Variants in ICA1 observed in about 807,000 individuals in gnomAD.
ICA1 encodes islet cell autoantigen 1, also known as 69 kDa islet cell autoantigen.
A neutral mutation model predicts 71.0 loss-of-function variants in ICA1; 40 were observed. That is an observed-to-expected ratio of 0.56 (90% CI 0.44 to 0.73). The LOEUF (loss-of-function observed/expected upper bound fraction) is 0.73. ICA1 is among the 30% of genes least tolerant of loss of function. The probability of loss-of-function intolerance (pLI) is 0.00; values close to 1 mark genes in which losing one functional copy is unlikely to be tolerated. For synonymous variants in ICA1, 207 were observed against 209.5 expected (o/e 0.99, Z 0.10); for missense variants, 578 against 576.5 (o/e 1.00, Z -0.03).
At chr7:8,246,103 A>G (rs1805900622) in intron 1 of ICA1, among the ~76,000 whole-genome samples, 1 of 152,224 alleles carries the variant, frequency 6.6e-6, no homozygotes, top group Admixed American at 6.5e-5. Context: ...CCAGCTTTTT[A>G]ATGACACAGA....
At position 8,113,984 on chromosome 7, in the gene ICA1, G is replaced by C. The variant is rs1783948450; in HGVS notation, c.1391C>G (p.Pro464Arg). The C allele has an allele frequency of 4.3e-6, 7 of 1,613,996 alleles. No homozygotes were observed. The highest frequency in any genetic ancestry group is 5.9e-6 in the Non-Finnish European group (7 of 1,179,972). The change falls in exon 14 of 14, where the codon CCA becomes CGA. Residue 464 changes from proline (P) to arginine (R), a missense_variant. Transcript: ENST00000402384. The surrounding 1 kb of genome is among the most constrained non-coding windows in gnomAD (Gnocchi z 4.2). The part of the protein sequence containing the change: ...AWFSLFADLD[P>R]LSNPDAVGKT... ...CCCAACAGCATCAGGATTTGAGAGTGGGTCGAGGTCAGCGAAGAGGCTGAA... is the reference window on the plus strand; with the variant it reads ...CCCAACAGCATCAGGATTTGAGAGTCGGTCGAGGTCAGCGAAGAGGCTGAA...
intron 10 of ICA1, among the ~76,000 whole-genome samples, chr7:8,140,368 C>G (rs544607440): frequency 7.2e-5 from 11 of 152,190 alleles, no homozygotes; most frequent in African/African-American, 2.7e-4. Flanking sequence ...TCCAGGTCCT[C>G]CTGTGCCCAT....
intron 6 of ICA1, among the ~76,000 whole-genome samples, chr7:8,202,315 G>C (rs1488005189): frequency 1.3e-5 from 2 of 152,188 alleles, no homozygotes; most frequent in African/African-American, 4.8e-5. Context: ...CATTGAGACA[G>C]TTATGTAACC....
Position 8,152,899 on chromosome 7 carries a change from T to TCACC in ICA1, c.804+4216_804+4217insGGTG, listed in dbSNP as rs1562706015. ...ATCACCTCCACCACCACTACCACCA[T>TCACC]TATCTCCTTCATCACCACTACCCCC... On this transcript the variant is annotated intron_variant, in intron 8 of 13. Coordinates refer to ENST00000402384, the MANE Select transcript of ICA1 (RefSeq NM_001136020.3). Among the ~76,000 whole-genome samples the TCACC allele has an allele frequency of 4.9e-4, 9 of 18,202 alleles. No individual in the cohort carries two copies. In the East Asian group the frequency reaches 0.01, roughly 21 times the overall value. The allele number at this position is 18,202 out of a possible 152,430, so 11.9% of individuals were successfully genotyped here.
At chr7:8,148,526 G>T (rs1017045135) in intron 8 of ICA1, among the ~76,000 whole-genome samples, 1 of 151,930 alleles carries the variant, frequency 6.6e-6, no homozygotes, top group African/African-American at 2.4e-5. Flanking sequence ...TTGTTACATC[G>T]TAAGAACTTA....
chr7:8,175,190 G>A (rs574856867), intron 6 of ICA1, among the ~76,000 whole-genome samples: 3 of 152,280 alleles, frequency 2.0e-5, no homozygotes, highest in African/African-American at 7.2e-5. Context: ...CTTGCTCAAG[G>A]AGGGAGCAGG....
At position 8,127,869 on chromosome 7, in the gene ICA1, C is replaced by T; in HGVS notation, c.1330+4G>A. ...AACCCCATTTCAATCCCCACCTTAC[C>T]TACCTTGTAGCGAGGCCTGTAAGTC... is the stretch of plus-strand genomic sequence containing the variant. On this transcript the variant is annotated splice_donor_region_variant and intron_variant, in intron 13 of 13. Transcript: ENST00000402384. 6.2e-7 allele frequency: 1 copy of T among 1,601,222 alleles called. No individual in the cohort carries two copies.
chr7:8,195,518 G>A (rs1217524943), intron 6 of ICA1, among the ~76,000 whole-genome samples: 2 of 151,532 alleles, frequency 1.3e-5, no homozygotes, highest in African/African-American at 2.4e-5. Flanking sequence ...TTCCAGTCTG[G>A]GCAACAAGAG....
chr7:8,162,338 A>G (rs552903506), intron 6 of ICA1, among the ~76,000 whole-genome samples: 1 of 152,366 alleles, frequency 6.6e-6, no homozygotes, highest in South Asian at 2.1e-4. Context: ...GATTATTAAA[A>G]TACTTAATGC....
chr7:8,154,825 C>T (rs1800926805), intron 8 of ICA1, among the ~76,000 whole-genome samples: 1 of 152,162 alleles, frequency 6.6e-6, no homozygotes, highest in South Asian at 2.1e-4. Flanking sequence ...ATGGCTTTCA[C>T]CATCATGTTT....
chr7:8,114,149 A>G lies in ICA1; in HGVS notation c.1331-105T>C, dbSNP rs527469853. The G allele has an allele frequency of 1.4e-4, 172 of 1,232,506 alleles. No homozygotes were observed. In the African/African-American group the frequency reaches 2.1e-3, roughly 15 times the overall value. The allele number at this position is 1,232,506 out of a possible 1,614,324, so 76.3% of individuals were successfully genotyped here. On this transcript the variant is annotated intron_variant, in intron 13 of 13. Transcript: ENST00000402384. ...GTCATCTTCAAATGCAGATTGTTCA[A>G]TCAGACAAATCCCTTTGCACTCTCT...
intron 8 of ICA1, among the ~76,000 whole-genome samples, chr7:8,149,568 G>A (rs1426602809): frequency 6.6e-6 from 1 of 152,164 alleles, no homozygotes; most frequent in East Asian, 1.9e-4. Flanking sequence ...AAAAGCAACA[G>A]CAACATTCAT....
At chr7:8,227,361 T>C (rs1798909104) in intron 4 of ICA1, among the ~76,000 whole-genome samples, 1 of 151,944 alleles carries the variant, frequency 6.6e-6, no homozygotes, top group Non-Finnish European at 1.5e-5. Context: ...GCAGAGAAGA[T>C]GGAGAGAGGA....
At chr7:8,204,948 T>C (rs147410080) in intron 6 of ICA1, among the ~76,000 whole-genome samples, 238 of 152,248 alleles carry the variant, frequency 1.6e-3, no homozygotes, top group African/African-American at 5.6e-3. Flanking sequence ...ATGAATCTAA[T>C]AGGTTTTGCC....
intron 8 of ICA1, among the ~76,000 whole-genome samples, chr7:8,154,068 A>G (rs114901732): frequency 1.3e-5 from 2 of 152,046 alleles, no homozygotes; most frequent in African/African-American, 2.4e-5. Flanking sequence ...TTATAAAAAA[A>G]TTAAAATGAT....
chr7:8,147,319 C>T (rs1014126186), intron 8 of ICA1, among the ~76,000 whole-genome samples: 28 of 152,294 alleles, frequency 1.8e-4, no homozygotes, highest in African/African-American at 6.5e-4. Flanking sequence ...TTAGCAGGGA[C>T]TCAATTGTTG....
intron 4 of ICA1, among the ~76,000 whole-genome samples, chr7:8,224,658 C>G (rs144785627): frequency 6.6e-6 from 1 of 152,192 alleles, no homozygotes; most frequent in African/African-American, 2.4e-5. Flanking sequence ...AACTAACCTA[C>G]AGCCCTTATT....
intron 8 of ICA1, among the ~76,000 whole-genome samples, chr7:8,148,240 G>A (rs534087736): frequency 7.2e-5 from 11 of 152,164 alleles, no homozygotes; most frequent in Admixed American, 5.2e-4. Flanking sequence ...AAAAGCACCC[G>A]GTGAGCCCAC....
At chr7:8,135,296 GGATTA>G (rs1366113473) in intron 12 of ICA1, among the ~76,000 whole-genome samples, 8 of 151,960 alleles carry the variant, frequency 5.3e-5, no homozygotes, top group African/African-American at 1.9e-4. Flanking sequence ...CAAAGTGCTG[GGATTA>G]CAAGTGTGAG....
Sources: gnomAD v4.1 joint callset for allele counts (sites outside exome capture counted in the v4.1 genomes callset) on GRCh38, gnomAD v4.1.1 for gene constraint, Gnocchi (gnomAD v3.1) non-coding constraint, MANE v1.5 for transcripts, NCBI Gene and HGNC (gene_info 2026-07-23, HGNC 2026-07-21) for gene names.